SLC39A11: variants seen among roughly 807,000 people sequenced by gnomAD.
SLC39A11 encodes the protein solute carrier family 39 member 11, also known as zinc transporter ZIP11.
In SLC39A11, 33 loss-of-function variants were observed where a neutral mutation model predicts 36.1. The observed-to-expected ratio is 0.91, with a 90% CI of 0.69 to 1.22. The LOEUF is 1.22. SLC39A11 is among the 50% of genes most tolerant of loss of function. The probability of loss-of-function intolerance (pLI) is 0.00; values close to 1 mark genes in which losing one functional copy is unlikely to be tolerated. For missense variants in SLC39A11, 432 were observed against 430.3 expected (o/e 1.00, Z -0.03); for synonymous variants, 166 against 170.3 (o/e 0.97, Z 0.20).
At chr17:73,078,838 T>G (rs970847323) in intron 3 of SLC39A11, among the ~76,000 whole-genome samples, 1 of 152,054 alleles carries the variant, frequency 6.6e-6, no homozygotes, top group African/African-American at 2.4e-5. Context: ...AGGTCCTAAA[T>G]AGAATAGAGA....
chr17:73,090,226 C>T (rs2060880793), intron 1 of SLC39A11, among the ~76,000 whole-genome samples: 2 of 152,156 alleles, frequency 1.3e-5, no homozygotes, highest in Admixed American at 1.3e-4. Context: ...GGCTCAGCAA[C>T]ACACCCAGGC....
chr17:72,838,165 G>A (rs180831235), intron 6 of SLC39A11: 22 of 401,530 alleles, frequency 5.5e-5, no homozygotes, highest in Non-Finnish European at 9.2e-5. Flanking sequence ...GATAGTGATG[G>A]TGGTTGCACA....
chr17:72,701,727 C>CAA (rs57220008), intron 7 of SLC39A11, among the ~76,000 whole-genome samples: 12,862 of 88,600 alleles, frequency 0.15, 850 homozygotes, highest in South Asian at 0.26. Context: ...GATTCTGTCT[C>CAA]AAAAAAAAAA....
intron 3 of SLC39A11, among the ~76,000 whole-genome samples, chr17:73,074,222 C>G (rs2060248124): frequency 6.6e-6 from 1 of 151,976 alleles, no homozygotes; most frequent in Non-Finnish European, 1.5e-5. Context: ...TGGACTTTCC[C>G]TCAATCATAT....
At chr17:72,754,045 TACACATACACAC>T (rs1366977505) in intron 6 of SLC39A11, among the ~76,000 whole-genome samples, 1,121 of 53,284 alleles carry the variant, frequency 0.021, 22 homozygotes, top group African/African-American at 0.064. Context: ...TATATATATA[TACACATACACAC>T]ACACACACAC....
At chr17:72,739,342 G>A (rs1341927980) in intron 6 of SLC39A11, among the ~76,000 whole-genome samples, 1 of 152,082 alleles carries the variant, frequency 6.6e-6, no homozygotes, top group Non-Finnish European at 1.5e-5. Context: ...GGCCGGGCTG[G>A]TCTTGAACTC....
chr17:72,813,051 T>C lies in SLC39A11; in HGVS notation c.601+36583A>G, dbSNP rs78077212. ...ATGACACAGGGGCAGAAAATGGTTG[T>C]TCGTGAGTCATTCTGACGTCAGCTC... On this transcript the variant is annotated intron_variant, in intron 6 of 9. Coordinates refer to ENST00000255559, the MANE Select transcript of SLC39A11 (RefSeq NM_139177.4). 2.5e-3 allele frequency among the ~76,000 whole-genome samples: 385 copies of C among 152,314 alleles called. 3 individuals carry two copies. Among genetic ancestry groups the C allele is most frequent in the African/African-American group, 8.7e-3 (360 of 41,578 alleles).
chr17:72,681,894 C>G (rs891108010), intron 7 of SLC39A11, among the ~76,000 whole-genome samples: 3 of 152,226 alleles, frequency 2.0e-5, no homozygotes, highest in African/African-American at 7.2e-5. Flanking sequence ...GGGTCCCCAG[C>G]CCCTCGGCCA....
intron 6 of SLC39A11, among the ~76,000 whole-genome samples, chr17:72,757,036 G>T (rs1021194956): frequency 9.9e-5 from 15 of 151,448 alleles, no homozygotes; most frequent in African/African-American, 3.4e-4. Context: ...CGTGGTAGCG[G>T]GTGCCTGTAA....
rs868354892 is a variant in SLC39A11, at chr17:72,966,839, G to C, written c.307-18964C>G. On this transcript the variant is annotated intron_variant, in intron 4 of 9. Coordinates refer to ENST00000255559, the MANE Select transcript of SLC39A11 (RefSeq NM_139177.4). ...CCGCCTCAGCCTCCCAAAGTGCTGG[G>C]ATTACAGGCGTCAGCCACCACGCCC... Among the ~76,000 whole-genome samples the C allele has an allele frequency of 7.4e-4, 112 of 152,172 alleles. 4 individuals are homozygous for C. Among genetic ancestry groups the C allele is most frequent in the South Asian group, 2.1e-4 (1 of 4,832 alleles).
At chr17:72,709,965 T>C (rs1476275832) in intron 7 of SLC39A11, among the ~76,000 whole-genome samples, 1 of 152,228 alleles carries the variant, frequency 6.6e-6, no homozygotes, top group Non-Finnish European at 1.5e-5. Flanking sequence ...TTCCAGAGGT[T>C]TTATTTTCAA....
chr17:72,904,006 G>A (rs187233348), intron 5 of SLC39A11, among the ~76,000 whole-genome samples: 1 of 152,300 alleles, frequency 6.6e-6, no homozygotes, highest in Admixed American at 6.5e-5. Context: ...ACTCCACATG[G>A]GCCAGGCACT....
intron 7 of SLC39A11, among the ~76,000 whole-genome samples, chr17:72,676,209 C>T (rs988897783): frequency 1.3e-5 from 2 of 152,010 alleles, no homozygotes; most frequent in Admixed American, 6.5e-5. Context: ...TAAAAGTAAA[C>T]ATGTCGAAAG....
intron 4 of SLC39A11, among the ~76,000 whole-genome samples, chr17:73,003,948 T>C (rs2089977923): frequency 6.6e-6 from 1 of 151,794 alleles, no homozygotes; most frequent in Non-Finnish European, 1.5e-5. Flanking sequence ...TAGCTGGGCA[T>C]GGTGGTGCAT....
chr17:72,912,703 C>T (rs1432276548), intron 5 of SLC39A11, among the ~76,000 whole-genome samples: 1 of 152,132 alleles, frequency 6.6e-6, no homozygotes, highest in Non-Finnish European at 1.5e-5. Flanking sequence ...CCAGAAGCAT[C>T]GACCAGAGCA....
At chr17:73,003,729 G>A (rs1232080486) in intron 4 of SLC39A11, among the ~76,000 whole-genome samples, 1 of 152,142 alleles carries the variant, frequency 6.6e-6, no homozygotes, top group Non-Finnish European at 1.5e-5. Context: ...AAGAAGGCCT[G>A]AGTCACCAAG....
chr17:72,772,144 T>C (rs756472660), intron 6 of SLC39A11, among the ~76,000 whole-genome samples: 6 of 152,036 alleles, frequency 3.9e-5, no homozygotes, highest in Non-Finnish European at 8.8e-5. Flanking sequence ...GGCCCAACAA[T>C]CCTCTGCTAC....
chr17:72,862,402 G>T (rs2080085847), intron 5 of SLC39A11, among the ~76,000 whole-genome samples: 1 of 152,190 alleles, frequency 6.6e-6, no homozygotes, highest in South Asian at 2.1e-4. Context: ...ATCAATATGA[G>T]GACAAAGGAG....
intron 3 of SLC39A11, among the ~76,000 whole-genome samples, chr17:73,053,539 A>C (rs2059576353): frequency 2.0e-5 from 3 of 152,168 alleles, no homozygotes; most frequent in African/African-American, 7.2e-5. Flanking sequence ...TACTCATTTC[A>C]TCTGTACAGC....
Sources: allele counts gnomAD v4.1 joint callset (sites outside exome capture counted in the v4.1 genomes callset), GRCh38; gene constraint gnomAD v4.1.1; transcripts MANE v1.5; gene names NCBI Gene and HGNC (gene_info 2026-07-23, HGNC 2026-07-21).